Variants in ROBO2 observed in about 807,000 individuals in gnomAD.
The protein encoded by ROBO2 is roundabout homolog 2.
A neutral mutation model predicts 160.8 loss-of-function variants in ROBO2; 53 were observed. The observed-to-expected ratio is 0.33, with a 90% CI of 0.26 to 0.41. The LOEUF (loss-of-function observed/expected upper bound fraction) is 0.41. ROBO2 is among the 10% of genes least tolerant of loss of function. ROBO2 has a pLI of 1.00. For synonymous variants in ROBO2, 664 were observed against 611.7 expected (o/e 1.09, Z -1.26); for missense variants, 1,577 against 1,722.4 (o/e 0.92, Z 1.49).
chr3:77,536,917 A>G (rs1394618701), intron 6 of ROBO2, among the ~76,000 whole-genome samples: 1 of 152,124 alleles, frequency 6.6e-6, no homozygotes, highest in Non-Finnish European at 1.5e-5. Flanking sequence ...TGAGATCTAA[A>G]AATGCAAGAC....
intron 2 of ROBO2, among the ~76,000 whole-genome samples, chr3:76,647,784 A>G (rs544265798): frequency 1.7e-4 from 26 of 151,418 alleles, no homozygotes; most frequent in Non-Finnish European, 3.1e-4. Context: ...TTGTCAGAGG[A>G]AAAAAAAATG....
chr3:76,008,347 A>G (rs2066090520), intron 2 of ROBO2, among the ~76,000 whole-genome samples: 1 of 151,808 alleles, frequency 6.6e-6, no homozygotes, highest in Non-Finnish European at 1.5e-5. Flanking sequence ...TTTAATAAAG[A>G]CTTGTTTTTT....
chr3:77,265,691 C>G (rs1479264286), intron 2 of ROBO2, among the ~76,000 whole-genome samples: 3 of 152,130 alleles, frequency 2.0e-5, no homozygotes, highest in Non-Finnish European at 4.4e-5. Context: ...CAATGCAAAT[C>G]TTACTGTATA....
chr3:76,314,729 A>G (rs2071862888), intron 2 of ROBO2, among the ~76,000 whole-genome samples: 1 of 152,160 alleles, frequency 6.6e-6, no homozygotes, highest in Admixed American at 6.5e-5. Context: ...GTAAGAATAC[A>G]GTATATAATA....
chr3:76,522,085 G>T (rs548889572), intron 2 of ROBO2, among the ~76,000 whole-genome samples: 1 of 152,188 alleles, frequency 6.6e-6, no homozygotes, highest in East Asian at 1.9e-4. Flanking sequence ...TACAGACAAC[G>T]CTGTAAGAAT....
At chr3:76,537,501 C>G (rs187512989) in intron 2 of ROBO2, among the ~76,000 whole-genome samples, 1 of 151,872 alleles carries the variant, frequency 6.6e-6, no homozygotes, top group Non-Finnish European at 1.5e-5. Flanking sequence ...TGAAGGGTAG[C>G]GAGAGAGGCT....
chr3:77,166,582 G>A (rs992206500), intron 2 of ROBO2, among the ~76,000 whole-genome samples: 32 of 151,936 alleles, frequency 2.1e-4, no homozygotes, highest in African/African-American at 6.3e-4. Flanking sequence ...TGTTTTAGGC[G>A]GAGTCTCACT....
intron 2 of ROBO2, among the ~76,000 whole-genome samples, chr3:76,780,389 CT>C: frequency 6.6e-6 from 1 of 150,724 alleles, no homozygotes; most frequent in Middle Eastern, 3.4e-3. Context: ...GCTTTTTCAT[CT>C]TGTTGATTGT....
intron 1 of ROBO2, among the ~76,000 whole-genome samples, chr3:77,060,007 T>C (rs1421755589): frequency 6.6e-6 from 1 of 152,158 alleles, no homozygotes; most frequent in Non-Finnish European, 1.5e-5. Context: ...TCAGCCAAGG[T>C]CATCACAAAT....
At chr3:77,570,146 A>G (rs2093602365) in intron 13 of ROBO2, among the ~76,000 whole-genome samples, 1 of 152,024 alleles carries the variant, frequency 6.6e-6, no homozygotes, top group African/African-American at 2.4e-5. Flanking sequence ...TCTCAATTGA[A>G]AAAAGTCTCT....
intron 23 of ROBO2, among the ~76,000 whole-genome samples, chr3:77,625,897 A>G (rs2095012477): frequency 6.6e-6 from 1 of 152,194 alleles, no homozygotes; most frequent in African/African-American, 2.4e-5. Flanking sequence ...TTTAATGTAT[A>G]TTAATTCATT....
At chr3:76,384,653 C>A (rs1218711845) in intron 2 of ROBO2, among the ~76,000 whole-genome samples, 1 of 152,110 alleles carries the variant, frequency 6.6e-6, no homozygotes, top group Non-Finnish European at 1.5e-5. Context: ...AAACTTACAA[C>A]CATGGCAGAA....
At chr3:77,183,953 A>G (rs562146645) in intron 2 of ROBO2, among the ~76,000 whole-genome samples, 2 of 152,030 alleles carry the variant, frequency 1.3e-5, no homozygotes, top group African/African-American at 4.8e-5. Context: ...TTTAACCACC[A>G]TATATTTCAC....
chr3:77,471,958 G>T (rs2083396851), intron 2 of ROBO2, among the ~76,000 whole-genome samples: 1 of 152,110 alleles, frequency 6.6e-6, no homozygotes, highest in Non-Finnish European at 1.5e-5. Context: ...ATCTGAGAAA[G>T]GAATTAATTG....
intron 2 of ROBO2, among the ~76,000 whole-genome samples, chr3:76,798,539 C>A (rs1323852139): frequency 1.3e-5 from 2 of 152,150 alleles, no homozygotes; most frequent in Non-Finnish European, 2.9e-5. Context: ...ATCCTTTCAA[C>A]TGATGCTGAA....
At chr3:77,239,277 C>T (rs759415332) in intron 2 of ROBO2, among the ~76,000 whole-genome samples, 1 of 151,740 alleles carries the variant, frequency 6.6e-6, no homozygotes, top group African/African-American at 2.4e-5. Context: ...AGACCTTTGC[C>T]GTGAGTGTTG....
intron 2 of ROBO2, among the ~76,000 whole-genome samples, chr3:76,393,570 C>T (rs963481365): frequency 2.6e-5 from 4 of 152,070 alleles, no homozygotes; most frequent in East Asian, 1.9e-4. Context: ...AGAAGTAAAA[C>T]TCTGTAAAGT....
At chr3:77,628,582 G>A (rs1341995094) in intron 23 of ROBO2, among the ~76,000 whole-genome samples, 2 of 151,968 alleles carry the variant, frequency 1.3e-5, no homozygotes, top group Non-Finnish European at 2.9e-5. Context: ...TTTTACAGAA[G>A]GAATTCTAAC....
chr3:76,457,729 A>T (rs2077849263), intron 2 of ROBO2, among the ~76,000 whole-genome samples: 1 of 152,086 alleles, frequency 6.6e-6, no homozygotes, highest in African/African-American at 2.4e-5. Context: ...AGGCATTTCC[A>T]TACGTGTTCT....
Sources: allele counts gnomAD v4.1 joint callset (sites outside exome capture counted in the v4.1 genomes callset), GRCh38; gene constraint gnomAD v4.1.1; transcripts MANE v1.5; gene names NCBI Gene and HGNC (gene_info 2026-07-23, HGNC 2026-07-21).